Variants in SUGT1 observed in about 807,000 individuals in gnomAD.
The protein encoded by SUGT1 is SGT1 assembly cochaperone of MIS12 kinetochore complex, also known as protein SGT1 homolog.
Under a neutral mutation model 56.1 loss-of-function variants are expected in SUGT1, and 15 were observed. That is an observed-to-expected ratio of 0.27 (90% CI 0.18 to 0.41). The LOEUF is 0.41. Ranked by LOEUF, SUGT1 falls within the 10% of genes least tolerant of loss-of-function variation. The pLI is 1.00. For missense variants in SUGT1, 347 were observed against 382.2 expected (o/e 0.91, Z 0.77); for synonymous variants, 123 against 128.6 (o/e 0.96, Z 0.30).
chr13:52,657,730 A>G lies in SUGT1; in HGVS notation c.187+108A>G, dbSNP rs538574814. ...GAGAATTTTTAAATTGGTCTTTTAT[A>G]CAAGGTAAAGTAGCTCAAATGTGAC... On this transcript the variant is annotated intron_variant, in intron 3 of 12. Coordinates refer to ENST00000310528, the MANE Select transcript of SUGT1 (RefSeq NM_006704.5). 3 of 1,002,544 alleles carry G rather than the reference A, an allele frequency of 3.0e-6. No individual in the cohort carries two copies. In the African/African-American group the frequency reaches 4.9e-5, roughly 16 times the overall value. The allele number at this position is 1,002,544 out of a possible 1,614,324, so 62.1% of individuals were successfully genotyped here.
chr13:52,659,927 C>T (rs1962362786), intron 5 of SUGT1, among the ~76,000 whole-genome samples: 1 of 147,636 alleles, frequency 6.8e-6, no homozygotes, highest in Admixed American at 6.8e-5. Flanking sequence ...CTCCCGGGTT[C>T]ACGCCATTCT....
intron 7 of SUGT1, among the ~76,000 whole-genome samples, chr13:52,663,638 A>G (rs531323958): frequency 5.9e-5 from 9 of 152,202 alleles, no homozygotes; most frequent in Admixed American, 3.3e-4. Context: ...CTGGCTAATT[A>G]CTCTGTTTCT....
At chr13:52,659,667 G>C (rs1962329469) in intron 5 of SUGT1, among the ~76,000 whole-genome samples, 1 of 151,282 alleles carries the variant, frequency 6.6e-6, no homozygotes, top group African/African-American at 2.4e-5. Context: ...AATTATGAGA[G>C]GGTACAGAAG....
chr13:52,684,721 C>T (rs968259401), intron 12 of SUGT1, among the ~76,000 whole-genome samples: 2 of 151,374 alleles, frequency 1.3e-5, no homozygotes, highest in African/African-American at 4.9e-5. Context: ...AGAGACGAGG[C>T]CTCCCCATAT....
chr13:52,669,144 A>G (rs917376094), intron 10 of SUGT1, among the ~76,000 whole-genome samples: 3 of 152,034 alleles, frequency 2.0e-5, no homozygotes, highest in Non-Finnish European at 2.9e-5. Context: ...TTTCTTCCTT[A>G]TATAGTAGTT....
intron 5 of SUGT1, among the ~76,000 whole-genome samples, chr13:52,661,044 T>C (rs1275372865): frequency 6.6e-6 from 1 of 152,170 alleles, no homozygotes; most frequent in African/African-American, 2.4e-5. Flanking sequence ...ACTCCTGGAC[T>C]CAAGCGTTCT....
chr13:52,691,023 CACT>C lies in SUGT1; in HGVS notation c.*3189_*3191del, dbSNP rs1185601163. 1 of 152,358 alleles carries C rather than the reference CACT, an allele frequency of 6.6e-6. No homozygotes were observed. Among genetic ancestry groups the C allele is most frequent in the Non-Finnish European group, 1.5e-5 (1 of 68,202 alleles). The allele number at this position is 152,358 out of a possible 1,614,324, so 9.4% of individuals were successfully genotyped here. A position where few individuals can be genotyped will look rare whatever the true frequency, so the allele number is the denominator to read the frequency against. ...AAGTGCTGGGATTACAGGTGTGAGT[CACT>C]GTGCCTGGCCCACATTTTCATTCTT... On this transcript the variant is annotated 3_prime_UTR_variant, in exon 13 of 13. Coordinates refer to ENST00000310528, the MANE Select transcript of SUGT1 (RefSeq NM_006704.5).
chr13:52,658,073 T>C (rs1479332619), intron 3 of SUGT1: 3 of 1,218,872 alleles, frequency 2.5e-6, no homozygotes, highest in Non-Finnish European at 3.1e-6. Context: ...AGTAATGTAT[T>C]TCTGTATTTT....
chr13:52,662,804 T>C, intron 6 of SUGT1, 102 bp downstream of exon 6: 1 of 1,210,870 alleles, frequency 8.3e-7, no homozygotes, highest in Non-Finnish European at 1.2e-6. Flanking sequence ...TAATTTCTTT[T>C]AAATAGTATA....
In SUGT1 at chr13:52,662,646, T is replaced by A; in HGVS notation, c.329-3T>A. Reference sequence around the variant, plus strand: ...GATGTTATAGTCAGTTTTTTCTTTCTAGGTGCAGATGCTAATTTCAGTGTC... The same window carrying A: ...GATGTTATAGTCAGTTTTTTCTTTCAAGGTGCAGATGCTAATTTCAGTGTC... On this transcript the variant is annotated splice_polypyrimidine_tract_variant and splice_region_variant and intron_variant, in intron 5 of 12. Coordinates refer to ENST00000310528, the MANE Select transcript of SUGT1 (RefSeq NM_006704.5). The A allele has an allele frequency of 6.2e-7, 1 of 1,613,792 alleles. No individual in the cohort carries two copies. Among genetic ancestry groups the A allele is most frequent in the Non-Finnish European group, 8.5e-7 (1 of 1,179,766 alleles).
intron 10 of SUGT1, among the ~76,000 whole-genome samples, chr13:52,670,297 T>A (rs1310180881): frequency 6.6e-6 from 1 of 152,238 alleles, no homozygotes; most frequent in Non-Finnish European, 1.5e-5. Flanking sequence ...CCAGGATTCA[T>A]ATTTTTTCAG....
Position 52,700,074 on chromosome 13 carries a change from T to C in SUGT1, c.*12239T>C, listed in dbSNP as rs1964039595. The stretch of plus-strand genomic sequence containing the variant: ...ACGAAACACAACATCTGTAAATGAC[T>C]AAATTCAGAGGGAATTTAGTGGGGC... On this transcript the variant is annotated 3_prime_UTR_variant, in exon 13 of 13. Transcript: ENST00000310528. 6.6e-6 allele frequency: 1 copy of C among 152,180 alleles called. No homozygotes were observed. 9.4% of individuals were successfully genotyped at this position (152,180 alleles called of 1,614,324 possible).
intron 10 of SUGT1, among the ~76,000 whole-genome samples, chr13:52,673,137 G>A (rs1435070390): frequency 2.6e-5 from 4 of 152,124 alleles, no homozygotes; most frequent in African/African-American, 7.2e-5. Flanking sequence ...CTATCTGCCC[G>A]AATCATGAAG....
At chr13:52,677,368 C>T (rs545687059) in intron 11 of SUGT1, among the ~76,000 whole-genome samples, 2 of 152,270 alleles carry the variant, frequency 1.3e-5, no homozygotes, top group East Asian at 3.9e-4. Context: ...AGGGTATTAA[C>T]ACCAACAGAT....
chr13:52,679,829 C>A, intron 11 of SUGT1, 145 bp from the exon 12 acceptor site: 1 of 676,130 alleles, frequency 1.5e-6, no homozygotes, highest in Non-Finnish European at 2.2e-6. Flanking sequence ...GACCTATATA[C>A]CAGAAAGACA....
chr13:52,670,561 C>G (rs929283806), intron 10 of SUGT1, among the ~76,000 whole-genome samples: 1 of 152,158 alleles, frequency 6.6e-6, no homozygotes, highest in African/African-American at 2.4e-5. Context: ...AATCCCAACA[C>G]TTTGGTAGGC....
intron 10 of SUGT1, among the ~76,000 whole-genome samples, chr13:52,669,907 T>TAACCCAG (rs1962861805): frequency 1.3e-5 from 2 of 152,204 alleles, no homozygotes; most frequent in South Asian, 2.1e-4. Context: ...TTACTGAGGC[T>TAACCCAG]TACTTCGTGG....
chr13:52,654,218 A>G (rs547737247), intron 2 of SUGT1, among the ~76,000 whole-genome samples: 18 of 152,318 alleles, frequency 1.2e-4, no homozygotes, highest in African/African-American at 4.3e-4. Flanking sequence ...ACCTTTAGAT[A>G]CTGGGAGTAA....
chr13:52,691,473 AC>A lies in SUGT1; in HGVS notation c.*3641del, dbSNP rs1963775487. ...TATTGATATCTGAGATATATCACTG[AC>A]CCAGAGCAAAATTGCATATTAGTTT... On this transcript the variant is annotated 3_prime_UTR_variant, in exon 13 of 13. Transcript: ENST00000310528. 6.6e-6 allele frequency: 1 copy of A among 152,174 alleles called. No individual in the cohort carries two copies. Among genetic ancestry groups the A allele is most frequent in the Admixed American group, 6.5e-5 (1 of 15,274 alleles). The allele number at this position is 152,174 out of a possible 1,614,324, so 9.4% of individuals were successfully genotyped here.
Sources: allele counts gnomAD v4.1 joint callset (sites outside exome capture counted in the v4.1 genomes callset), GRCh38; gene constraint gnomAD v4.1.1; transcripts MANE v1.5; gene names NCBI Gene and HGNC (gene_info 2026-07-23, HGNC 2026-07-21).